ARHGAP31: variants seen among roughly 807,000 people sequenced by gnomAD.
ARHGAP31 encodes rho GTPase-activating protein 31.
ARHGAP31 carries 34 observed loss-of-function variants against 113.9 expected under a neutral mutation model. The ratio of observed to expected loss-of-function variants is 0.30; its 90% CI spans 0.23 to 0.40. ARHGAP31 has a LOEUF of 0.40. Ranked by LOEUF, ARHGAP31 falls within the 10% of genes least tolerant of loss-of-function variation. ARHGAP31 has a pLI of 1.00. For missense variants in ARHGAP31, 1,548 were observed against 1,767.1 expected, an observed-to-expected ratio of 0.88 and a Z score of 2.22; for synonymous variants, 650 against 684.8, an observed-to-expected ratio of 0.95 and a Z score of 0.79.
chr3:119,316,995 G>GAAA lies in ARHGAP31; in HGVS notation c.100+21991_100+21992insAAA, dbSNP rs529580916. Among the ~76,000 whole-genome samples the GAAA allele has an allele frequency of 1.2e-3, 189 of 152,268 alleles. 1 individual carries two copies. Among genetic ancestry groups the GAAA allele is most frequent in the African/African-American group, 4.2e-3 (175 of 41,542 alleles). ...CACTAATACCTGCTTTCTGCAATCA[G>GAAA]GTTTACTCCAGAAGCTTTCCTCTGG... On this transcript the variant is annotated intron_variant, in intron 1 of 11. Transcript: ENST00000264245.
intron 7 of ARHGAP31, among the ~76,000 whole-genome samples, chr3:119,392,770 C>A (rs1210267085): frequency 2.6e-5 from 4 of 152,252 alleles, no homozygotes; most frequent in African/African-American, 7.2e-5. Context: ...CAGGCTGCTA[C>A]TCTCCTCAGC....
Position 119,354,460 on chromosome 3 carries a change from A to AGT in ARHGAP31, c.101-10844_101-10843dup, listed in dbSNP as rs1336734676. 6.4e-4 allele frequency among the ~76,000 whole-genome samples: 88 copies of AGT among 138,562 alleles called. No homozygotes were observed. The South Asian group carries it at 0.021, about 33-fold the overall frequency. 90.9% of individuals were successfully genotyped at this position (138,562 alleles called of 152,430 possible). A position where few individuals can be genotyped will look rare whatever the true frequency, so the allele number is the denominator to read the frequency against. On this transcript the variant is annotated intron_variant, in intron 1 of 11. Transcript: ENST00000264245. ...TAGCAGTAACTACTATTAACATTTC[A>AGT]GTGTGTGTGTGTGGTTTGTGTGTGT...
intron 1 of ARHGAP31, among the ~76,000 whole-genome samples, chr3:119,344,915 G>C (rs1297728624): frequency 1.3e-5 from 2 of 151,092 alleles, no homozygotes; most frequent in African/African-American, 2.4e-5. Context: ...GATGTGTTTT[G>C]TTTATTTTTA....
At chr3:119,413,161 CA>C (rs1274468915) in intron 11 of ARHGAP31, among the ~76,000 whole-genome samples, 3 of 150,872 alleles carry the variant, frequency 2.0e-5, no homozygotes, top group Non-Finnish European at 4.4e-5. Context: ...ACTAAAAATA[CA>C]AAAAATTAGC....
At chr3:119,319,563 A>G (rs1401664999) in intron 1 of ARHGAP31, among the ~76,000 whole-genome samples, 4 of 152,220 alleles carry the variant, frequency 2.6e-5, no homozygotes, top group Non-Finnish European at 5.9e-5. Context: ...CAACACAGTC[A>G]TATCCAACCC....
chr3:119,402,490 T>C, intron 10 of ARHGAP31, 93 bp downstream of exon 10: 1 of 1,378,822 alleles, frequency 7.3e-7, no homozygotes. Flanking sequence ...GTGCGGTGGT[T>C]AAGCCTGTGG....
intron 1 of ARHGAP31, among the ~76,000 whole-genome samples, chr3:119,295,776 G>C (rs114915912): frequency 1.3e-3 from 193 of 152,034 alleles, no homozygotes; most frequent in Non-Finnish European, 2.2e-3. Context: ...GTTGGGGATG[G>C]GGGAATCCAG....
chr3:119,339,275 G>T (rs2079987565), intron 1 of ARHGAP31, among the ~76,000 whole-genome samples: 1 of 152,186 alleles, frequency 6.6e-6, no homozygotes, highest in African/African-American at 2.4e-5. Flanking sequence ...CTTGAGGGTA[G>T]CAGTTATGGA....
intron 2 of ARHGAP31, 69 bp downstream of exon 2, chr3:119,365,487 G>C (rs115297448): frequency 7.3e-7 from 1 of 1,365,322 alleles, no homozygotes; most frequent in Non-Finnish European, 1.0e-6. Flanking sequence ...TCTGTCCATC[G>C]GTGTCCAGAG....
chr3:119,363,849 G>A (rs767684130), intron 1 of ARHGAP31, among the ~76,000 whole-genome samples: 5 of 152,136 alleles, frequency 3.3e-5, no homozygotes, highest in Non-Finnish European at 5.9e-5. Context: ...ATTCACGGAG[G>A]TCCCACATCA....
chr3:119,392,065 A>G (rs528444868), intron 7 of ARHGAP31, among the ~76,000 whole-genome samples: 3 of 152,300 alleles, frequency 2.0e-5, no homozygotes, highest in East Asian at 1.9e-4. Context: ...ACCCTATAAA[A>G]TATTACCCAA....
rs1437226733 is a variant in ARHGAP31 at position 119,409,730 on chromosome 3, A to T, written c.1880A>T (p.Gln627Leu). ...GGTGAGATGGAGTCCAGCACCCTGCAGGAGAGCCCCAGGGCCAGAGCCGAA... is the reference window on the plus strand; with the variant it reads ...GGTGAGATGGAGTCCAGCACCCTGCTGGAGAGCCCCAGGGCCAGAGCCGAA... ...EAGEMESSTL[Q>L]ESPRARAEAV... The change falls in exon 11 of 12, where the codon CAG becomes CTG. Residue 627 changes from glutamine to leucine, a missense_variant. By Grantham distance (113) the Gln-to-Leu change is moderately radical (BLOSUM62 -2). Transcript: ENST00000264245. The T allele has an allele frequency of 6.2e-7, 1 of 1,609,306 alleles. No homozygotes were observed. The highest frequency in any genetic ancestry group is 1.7e-5 in the Admixed American group (1 of 59,624).
At chr3:119,397,550 G>A (rs112550543) in intron 8 of ARHGAP31, among the ~76,000 whole-genome samples, 96 of 152,316 alleles carry the variant, frequency 6.3e-4, no homozygotes, top group African/African-American at 2.0e-3. Flanking sequence ...AAGAATTCTG[G>A]GGCACATTGG....
At chr3:119,358,099 G>T (rs543725024) in intron 1 of ARHGAP31, among the ~76,000 whole-genome samples, 2 of 152,274 alleles carry the variant, frequency 1.3e-5, no homozygotes, top group South Asian at 4.1e-4. Flanking sequence ...CAGCATAGGA[G>T]AAAATATTTG....
chr3:119,383,251 TC>T (rs1488266610), intron 6 of ARHGAP31, 25 bp downstream of exon 6: 1 of 1,613,564 alleles, frequency 6.2e-7, no homozygotes, highest in East Asian at 2.2e-5. Flanking sequence ...TAGCATACAC[TC>T]CACCAGCTTA....
In ARHGAP31 at chr3:119,361,677, C is replaced by T. The variant is rs1414832200; in HGVS notation, c.101-3639C>T. ...GATTACAGGCGTGAGCCACTGTGCC[C>T]AGCGGTCCTTCAACTTTCGAGTACA... is the stretch of plus-strand genomic sequence containing the variant. On this transcript the variant is annotated intron_variant, in intron 1 of 11. Transcript: ENST00000264245. Among the ~76,000 whole-genome samples, 4 of 152,350 alleles carry T rather than the reference C, an allele frequency of 2.6e-5. No individual in the cohort carries two copies. The East Asian group carries it at 7.7e-4, about 29-fold the overall frequency.
rs140024350 is a variant in ARHGAP31 at position 119,362,712 on chromosome 3, G to A, written c.101-2604G>A. 2.0e-5 allele frequency among the ~76,000 whole-genome samples: 3 copies of A among 150,578 alleles called. No homozygotes were observed. In the East Asian group the frequency reaches 6.0e-4, roughly 30 times the overall value. On this transcript the variant is annotated intron_variant, in intron 1 of 11. Coordinates refer to ENST00000264245, the MANE Select transcript of ARHGAP31 (RefSeq NM_020754.4). ...GAAACTGGGAGGCCAAGGTTGCAGT[G>A]AGCCAAGATCACACCACTGCACTCC...
At chr3:119,304,851 C>A (rs1442772200) in intron 1 of ARHGAP31, among the ~76,000 whole-genome samples, 2 of 151,598 alleles carry the variant, frequency 1.3e-5, no homozygotes, top group Non-Finnish European at 1.5e-5. Context: ...CCCAAGATGG[C>A]GCTACTGCAA....
intron 1 of ARHGAP31, among the ~76,000 whole-genome samples, chr3:119,329,480 T>G (rs1474836292): frequency 6.6e-6 from 1 of 152,224 alleles, no homozygotes; most frequent in African/African-American, 2.4e-5. Flanking sequence ...GAATGCTTGT[T>G]GCAATGGATC....
Sources: gnomAD v4.1 joint callset for allele counts (sites outside exome capture counted in the v4.1 genomes callset) on GRCh38, gnomAD v4.1.1 for gene constraint, MANE v1.5 for transcripts, NCBI Gene and HGNC (gene_info 2026-07-23, HGNC 2026-07-21) for gene names.